Variants in RANBP9 observed in about 807,000 individuals in gnomAD.
RANBP9 encodes ran-binding protein 9.
In RANBP9, 15 loss-of-function variants were observed where a neutral mutation model predicts 84.3. The observed-to-expected ratio is 0.18, with a 90% CI of 0.12 to 0.27. RANBP9 has a LOEUF of 0.27. RANBP9 is among the 10% of genes least tolerant of loss of function. RANBP9 has a pLI of 1.00. For synonymous variants in RANBP9, 392 were observed against 349.6 expected (o/e 1.12, Z -1.35); for missense variants, 809 against 912.8 (o/e 0.89, Z 1.46).
chr6:13,638,700 G>A (rs1315173626), intron 9 of RANBP9, among the ~76,000 whole-genome samples: 10 of 152,164 alleles, frequency 6.6e-5, no homozygotes, highest in South Asian at 2.1e-4. Flanking sequence ...AAAAAAACCT[G>A]TAGAAGTGAT....
intron 2 of RANBP9, among the ~76,000 whole-genome samples, chr6:13,681,643 T>C (rs1766040274): frequency 6.6e-6 from 1 of 151,970 alleles, no homozygotes; most frequent in Non-Finnish European, 1.5e-5. Flanking sequence ...AACAAAAATG[T>C]TTCAAGTTTC....
At chr6:13,706,758 T>C (rs1240939615) in intron 1 of RANBP9, among the ~76,000 whole-genome samples, 1 of 151,672 alleles carries the variant, frequency 6.6e-6, no homozygotes, top group East Asian at 1.9e-4. Context: ...TCCCGGCATT[T>C]TGGGAGGCCG....
intron 5 of RANBP9, among the ~76,000 whole-genome samples, chr6:13,648,882 C>A (rs1297952651): frequency 6.6e-6 from 1 of 152,146 alleles, no homozygotes; most frequent in Non-Finnish European, 1.5e-5. Flanking sequence ...GTGCAACTAT[C>A]ATAATTTAAT....
intron 12 of RANBP9, among the ~76,000 whole-genome samples, chr6:13,626,090 T>C (rs1354046999): frequency 6.6e-6 from 1 of 152,210 alleles, no homozygotes; most frequent in Admixed American, 6.5e-5. Context: ...TCAGATGTTT[T>C]ACTTCACAAT....
At chr6:13,624,683 CTG>C (rs1324545611) in intron 13 of RANBP9, among the ~76,000 whole-genome samples, 1 of 152,198 alleles carries the variant, frequency 6.6e-6, no homozygotes, top group Non-Finnish European at 1.5e-5. Context: ...CTACAGTGAG[CTG>C]CTCATAGGAA....
intron 2 of RANBP9, among the ~76,000 whole-genome samples, chr6:13,684,119 C>T (rs528512403): frequency 2.6e-5 from 4 of 152,176 alleles, no homozygotes; most frequent in South Asian, 4.1e-4. Context: ...TGTTATTATC[C>T]CTACCCACCT....
At chr6:13,693,436 T>A (rs999081436) in intron 2 of RANBP9, among the ~76,000 whole-genome samples, 1 of 152,242 alleles carries the variant, frequency 6.6e-6, no homozygotes, top group East Asian at 1.9e-4. Flanking sequence ...GGAACTCTCA[T>A]ACACTGCTGG....
At chr6:13,705,587 C>T (rs1584951973) in intron 1 of RANBP9, among the ~76,000 whole-genome samples, 1 of 151,670 alleles carries the variant, frequency 6.6e-6, no homozygotes, top group African/African-American at 2.4e-5. Context: ...TTAGGCCGGG[C>T]GCGGTGGCTC....
chr6:13,659,181 AG>A (rs1765479841), intron 2 of RANBP9, among the ~76,000 whole-genome samples: 1 of 151,888 alleles, frequency 6.6e-6, no homozygotes, highest in Non-Finnish European at 1.5e-5. Context: ...GGATTGCAGA[AG>A]GAAAAAAAAT....
At chr6:13,658,749 A>C in intron 3 of RANBP9, 31 bp downstream of exon 3, 3 of 1,511,062 alleles carry the variant, frequency 2.0e-6, no homozygotes, top group Non-Finnish European at 2.8e-6. Flanking sequence ...TACTCATAAG[A>C]CATAATACTG....
chr6:13,649,525 T>C (rs1765248054), intron 5 of RANBP9, among the ~76,000 whole-genome samples: 1 of 150,778 alleles, frequency 6.6e-6, no homozygotes, highest in Non-Finnish European at 1.5e-5. Context: ...CTTACAGCAT[T>C]CTCACCAGTC....
At chr6:13,686,992 T>C (rs1766205308) in intron 2 of RANBP9, among the ~76,000 whole-genome samples, 1 of 152,210 alleles carries the variant, frequency 6.6e-6, no homozygotes, top group Non-Finnish European at 1.5e-5. Flanking sequence ...ACCATTCTTT[T>C]ATAGAATCTT....
chr6:13,677,289 A>T (rs1439978268), intron 2 of RANBP9, among the ~76,000 whole-genome samples: 1 of 152,214 alleles, frequency 6.6e-6, no homozygotes, highest in African/African-American at 2.4e-5. Flanking sequence ...CATAAATCTA[A>T]CAAATATTGA....
At chr6:13,648,389 T>C (rs947603303) in intron 5 of RANBP9, among the ~76,000 whole-genome samples, 2 of 151,970 alleles carry the variant, frequency 1.3e-5, no homozygotes, top group Non-Finnish European at 2.9e-5. Flanking sequence ...CCGCCCGCCT[T>C]GGCCTCCCAA....
At chr6:13,625,506 T>A in intron 13 of RANBP9, 147 bp downstream of exon 13, 1 of 457,050 alleles carries the variant, frequency 2.2e-6, no homozygotes, top group Non-Finnish European at 3.9e-6. Context: ...AAGGAGGGGG[T>A]TTCTATATTT....
chr6:13,639,018 G>T lies in RANBP9; in HGVS notation c.1525+545C>A, dbSNP rs148664597. ...AATTTAATTCTGGTGACTACTCATT[G>T]TGAATGCTGACTTTCATTTAGGAAG... On this transcript the variant is annotated intron_variant, in intron 9 of 13. Transcript: ENST00000011619. Among the ~76,000 whole-genome samples the T allele has an allele frequency of 7.0e-3, 1,061 of 152,286 alleles. 2 individuals are homozygous for T. Among genetic ancestry groups the T allele is most frequent in the Non-Finnish European group, 0.012 (806 of 68,004 alleles).
chr6:13,656,977 G>A, intron 4 of RANBP9, 132 bp downstream of exon 4: 2 of 839,868 alleles, frequency 2.4e-6, no homozygotes, highest in East Asian at 5.5e-5. Flanking sequence ...CTTCTGTCTG[G>A]GAAAAAGAAA....
In RANBP9 at chr6:13,647,626, A is replaced by ATC. The variant is rs1765201216; in HGVS notation, c.928-2898_928-2897insGA. Among the ~76,000 whole-genome samples the ATC allele has an allele frequency of 2.6e-5, 4 of 152,324 alleles. No homozygotes were observed. In the South Asian group the frequency reaches 8.3e-4, roughly 32 times the overall value. On this transcript the variant is annotated intron_variant, in intron 5 of 13. Coordinates refer to ENST00000011619, the MANE Select transcript of RANBP9 (RefSeq NM_005493.3). Reference sequence around the variant, plus strand: ...TAGAAAGAAGTCTAAAAGGATATATATTCAAGTTAAAACAAACATTATAGC... The same window carrying ATC: ...TAGAAAGAAGTCTAAAAGGATATATATCTTCAAGTTAAAACAAACATTATAGC...
At chr6:13,667,696 T>C (rs1316481986) in intron 2 of RANBP9, among the ~76,000 whole-genome samples, 1 of 152,152 alleles carries the variant, frequency 6.6e-6, no homozygotes, top group Non-Finnish European at 1.5e-5. Context: ...GCTATTCAGT[T>C]TTGTAGCCTA....
Sources: gnomAD v4.1 joint callset for allele counts (sites outside exome capture counted in the v4.1 genomes callset) on GRCh38, gnomAD v4.1.1 for gene constraint, MANE v1.5 for transcripts, NCBI Gene and HGNC (gene_info 2026-07-23, HGNC 2026-07-21) for gene names.